Variants in LRSAM1 observed in about 807,000 individuals in gnomAD.
The protein encoded by LRSAM1 is leucine rich repeat and sterile alpha motif containing 1.
LRSAM1 carries 96 observed loss-of-function variants against 118.1 expected under a neutral mutation model. The ratio of observed to expected loss-of-function variants is 0.81; its 90% confidence interval spans 0.69 to 0.96. The LOEUF is 0.96. Among genes scored for constraint, LRSAM1 ranks in the 40% least tolerant of loss-of-function variants. The pLI is 0.00. For missense variants in LRSAM1, 804 were observed against 915.5 expected (o/e 0.88, Z 1.57); for synonymous variants, 322 against 364.2 (o/e 0.88, Z 1.32).
intron 24 of LRSAM1, among the ~76,000 whole-genome samples, chr9:127,498,875 A>G (rs1017886007): frequency 6.6e-6 from 1 of 152,042 alleles, no homozygotes; most frequent in Non-Finnish European, 1.5e-5. Context: ...CCTGGCCAAC[A>G]TGGTGAAACC....
At chr9:127,462,514 G>A in intron 9 of LRSAM1, 141 bp downstream of exon 9, 3 of 1,333,780 alleles carry the variant, frequency 2.2e-6, no homozygotes, top group Admixed American at 3.5e-5. Context: ...GAGGCTTGTA[G>A]AGAGGCCAAT....
rs1835925611 is a variant in LRSAM1 at position 127,491,338 on chromosome 9, A to AC, written c.1503+48dup. 6.6e-6 allele frequency: 10 copies of AC among 1,509,004 alleles called. No individual in the cohort carries two copies. In the East Asian group the frequency reaches 1.1e-4, roughly 17 times the overall value. 93.5% of individuals were successfully genotyped at this position (1,509,004 alleles called of 1,614,324 possible). A position where few individuals can be genotyped will look rare whatever the true frequency, so the allele number is the denominator to read the frequency against. On this transcript the variant is annotated intron_variant, in intron 20 of 25. Transcript: ENST00000300417. ...CCCCTGCCCTCCTTCACGTGGTGAG[A>AC]CCCCCACCTGGTGCTCCCTCCCAGC...
rs775740396 is a variant in LRSAM1, at chr9:127,492,874, G to C, written c.1576G>C (p.Glu526Gln). 7.4e-6 allele frequency: 12 copies of C among 1,614,096 alleles called. No individual in the cohort carries two copies. The highest frequency in any genetic ancestry group is 1.3e-5 in the African/African-American group (1 of 75,076). Reference sequence around the variant, plus strand: ...GCTGCTCAAAGAGAAGCAGCAGCGAGAGGAAGAGCTCCGGGAAATCCTGGT... The same window carrying C: ...GCTGCTCAAAGAGAAGCAGCAGCGACAGGAAGAGCTCCGGGAAATCCTGGT... ...QQLLKEKQQR[E>Q]EELREILTEL... is the part of the protein sequence containing the mutation. Residue 526 changes from glutamate to glutamine, a missense_variant, in exon 21 of 26, where the codon GAG (glutamate) becomes CAG (glutamine). Physicochemically the swap from Glu to Gln is conservative, Grantham distance 29. Transcript: ENST00000300417.
At chr9:127,480,719 G>T (rs1044807978) in intron 14 of LRSAM1, among the ~76,000 whole-genome samples, 1 of 152,148 alleles carries the variant, frequency 6.6e-6, no homozygotes, top group East Asian at 1.9e-4. Context: ...ACAGAGTCTC[G>T]CTGTGTCACT....
chr9:127,492,757 G>A (rs780678364), intron 20 of LRSAM1, 45 bp from the exon 21 acceptor site: 10 of 1,582,664 alleles, frequency 6.3e-6, no homozygotes, highest in Non-Finnish European at 8.6e-6. Context: ...GGACTCCTGC[G>A]CTGCCGCCAG....
intron 19 of LRSAM1, 56 bp downstream of exon 19, chr9:127,489,574 C>T: frequency 6.4e-7 from 1 of 1,554,068 alleles, no homozygotes; most frequent in African/African-American, 1.4e-5. Flanking sequence ...TGCAGAGTGG[C>T]CCTCCAGGGC....
chr9:127,481,406 C>A (rs1302752084), intron 15 of LRSAM1, among the ~76,000 whole-genome samples, 179 bp downstream of exon 15: 2 of 152,044 alleles, frequency 1.3e-5, no homozygotes, highest in African/African-American at 2.4e-5. Context: ...GCGCATACCA[C>A]CACCAGCTAA....
intron 20 of LRSAM1, among the ~76,000 whole-genome samples, chr9:127,491,547 C>T (rs1319101885): frequency 6.6e-6 from 1 of 152,208 alleles, no homozygotes; most frequent in African/African-American, 2.4e-5. Flanking sequence ...GGTTTCATTG[C>T]CAAGGCTCCC....
At chr9:127,485,284 G>T (rs1835687539) in intron 16 of LRSAM1, among the ~76,000 whole-genome samples, 1 of 152,130 alleles carries the variant, frequency 6.6e-6, no homozygotes, top group Non-Finnish European at 1.5e-5. Context: ...AACAGGCCGG[G>T]CGCAGTGGCT....
At position 127,496,095 on chromosome 9, in the gene LRSAM1, G is replaced by A. The variant is rs1471059478; in HGVS notation, c.1830G>A (p.Lys610=). Reference sequence around the variant, plus strand: ...AAATGAGCCCAGGGGACCTGGCCAAGGTGGGCAGCAGCCGTCTGCATGGAG... The same window carrying A: ...AAATGAGCCCAGGGGACCTGGCCAAAGTGGGCAGCAGCCGTCTGCATGGAG... ...LSQMSPGDLA[K]VGVSEAGLQH... The change falls in exon 23 of 26, where the codon AAG becomes AAA. Residue 610 remains lysine (K), a splice_region_variant and synonymous_variant. Coordinates refer to ENST00000300417, the MANE Select transcript of LRSAM1 (RefSeq NM_001005373.4). The A allele has an allele frequency of 6.2e-7, 1 of 1,609,068 alleles. No individual in the cohort carries two copies. The highest frequency in any genetic ancestry group is 8.5e-7 in the Non-Finnish European group (1 of 1,179,992).
chr9:127,479,972 A>G lies in LRSAM1; in HGVS notation c.1037A>G (p.Asn346Ser), dbSNP rs1188237904. The stretch of plus-strand genomic sequence containing the variant: ...CGGATCCAGAAGCTGCTGCAGGACA[A>G]TCAGAGGTTGGGCTCTGCTCCTCGG... ...SSRIQKLLQDNQRQKKSSEIL... is the reference protein window; with the variant it reads ...SSRIQKLLQDSQRQKKSSEIL... Residue 346 changes from asparagine to serine, a missense_variant, in exon 14 of 26, where the codon AAT becomes AGT. Asn to Ser is a conservative substitution (Grantham distance 46, BLOSUM62 1). Coordinates refer to ENST00000300417, the MANE Select transcript of LRSAM1 (RefSeq NM_001005373.4). 1.2e-6 allele frequency: 2 copies of G among 1,614,032 alleles called. No homozygotes were observed. The highest frequency in any genetic ancestry group is 8.5e-7 in the Non-Finnish European group (1 of 1,180,040).
chr9:127,495,261 T>G, intron 21 of LRSAM1, 59 bp from the exon 22 acceptor site: 6 of 1,539,080 alleles, frequency 3.9e-6, no homozygotes, highest in Non-Finnish European at 5.4e-6. Flanking sequence ...CAACCATCAT[T>G]GTTATTACAG....
intron 23 of LRSAM1, 128 bp from the exon 24 acceptor site, chr9:127,497,125 C>T (rs565324426): frequency 8.3e-5 from 79 of 949,802 alleles, no homozygotes; most frequent in Admixed American, 5.3e-4. Flanking sequence ...CGCCAGGCCC[C>T]GGAAGGCTTC....
intron 7 of LRSAM1, among the ~76,000 whole-genome samples, chr9:127,460,544 C>A (rs78092332): frequency 0.022 from 3,301 of 152,312 alleles, 141 homozygotes; most frequent in African/African-American, 0.075. Context: ...CCTTCTCCCT[C>A]CTTCCCTGAT....
chr9:127,494,347 G>A (rs1274742068), intron 21 of LRSAM1, among the ~76,000 whole-genome samples: 2 of 152,236 alleles, frequency 1.3e-5, no homozygotes, highest in African/African-American at 4.8e-5. Flanking sequence ...GAACAGCTCC[G>A]TTGTTCTGAG....
intron 4 of LRSAM1, 42 bp downstream of exon 4, chr9:127,455,096 C>G (rs749592869): frequency 4.4e-6 from 7 of 1,596,210 alleles, no homozygotes; most frequent in South Asian, 2.2e-5. Flanking sequence ...GGATCTGTCC[C>G]GTTTTCTTGG....
At chr9:127,454,361 G>C in intron 2 of LRSAM1, 135 bp from the exon 3 acceptor site, 1 of 726,076 alleles carries the variant, frequency 1.4e-6, no homozygotes, top group Non-Finnish European at 2.4e-6. Flanking sequence ...ACTCACTAGG[G>C]AGACACAGCC....
chr9:127,500,099 G>A lies in LRSAM1; in HGVS notation c.1913-911G>A, dbSNP rs528824237. Among the ~76,000 whole-genome samples the A allele has an allele frequency of 1.8e-4, 28 of 151,996 alleles. 1 individual carries two copies. In the South Asian group the frequency reaches 5.2e-3, roughly 28 times the overall value. ...TTAGCAGCCGGGCACGTTGGCTCACGCCTGTAATCCCAGCGCTCTGGGAGG... is the reference window on the plus strand; with the variant it reads ...TTAGCAGCCGGGCACGTTGGCTCACACCTGTAATCCCAGCGCTCTGGGAGG... On this transcript the variant is annotated intron_variant, in intron 24 of 25. Coordinates refer to ENST00000300417, the MANE Select transcript of LRSAM1 (RefSeq NM_001005373.4).
At chr9:127,480,898 C>T (rs1835511939) in intron 14 of LRSAM1, among the ~76,000 whole-genome samples, 1 of 152,124 alleles carries the variant, frequency 6.6e-6, no homozygotes, top group Admixed American at 6.5e-5. Context: ...AGGCTGGTCT[C>T]GAACTCCTGA....
Sources: gnomAD v4.1 joint callset for allele counts (sites outside exome capture counted in the v4.1 genomes callset) on GRCh38, gnomAD v4.1.1 for gene constraint, MANE v1.5 for transcripts, NCBI Gene and HGNC (gene_info 2026-07-23, HGNC 2026-07-21) for gene names.